Variants in RBM47 observed in about 807,000 individuals in gnomAD.
The protein encoded by RBM47 is RNA binding motif protein 47, also known as RNA-binding protein 47.
In RBM47, 21 loss-of-function variants were observed where a neutral mutation model predicts 47.1. The observed-to-expected ratio is 0.45, with a 90% CI of 0.32 to 0.64. The LOEUF (loss-of-function observed/expected upper bound fraction) is 0.64, where lower values mean the gene tolerates loss of function less well. RBM47 is among the 30% of genes least tolerant of loss of function. The pLI is 0.05. For synonymous variants in RBM47, 375 were observed against 361.7 expected (o/e 1.04, Z -0.42); for missense variants, 708 against 870.9 (o/e 0.81, Z 2.35).
At chr4:40,432,442 C>A (rs967846077) in intron 6 of RBM47, among the ~76,000 whole-genome samples, 1 of 151,990 alleles carries the variant, frequency 6.6e-6, no homozygotes, top group African/African-American at 2.4e-5. Flanking sequence ...TGATTACCAC[C>A]CTTAATACAA....
chr4:40,461,268 A>C (rs1717105212), intron 3 of RBM47, among the ~76,000 whole-genome samples: 1 of 152,230 alleles, frequency 6.6e-6, no homozygotes, highest in Non-Finnish European at 1.5e-5. Context: ...TTCAATTAAA[A>C]AACTAATACA....
intron 1 of RBM47, among the ~76,000 whole-genome samples, chr4:40,592,461 G>A (rs1352415576): frequency 3.6e-5 from 5 of 138,580 alleles, no homozygotes; most frequent in Admixed American, 1.5e-4. Flanking sequence ...TTTCGCTCTT[G>A]TTGCCCAGGC....
chr4:40,579,417 G>T (rs1278519559), intron 1 of RBM47, among the ~76,000 whole-genome samples: 2 of 40,144 alleles, frequency 5.0e-5, no homozygotes, highest in Non-Finnish European at 8.3e-5. Context: ...GCGAGACCCT[G>T]TCTCAGAAAA....
At chr4:40,556,086 A>G (rs981672090) in intron 1 of RBM47, among the ~76,000 whole-genome samples, 17 of 145,852 alleles carry the variant, frequency 1.2e-4, no homozygotes, top group Admixed American at 7.0e-4. Context: ...CGCAGGCTGG[A>G]GTGCGGTGGC....
At chr4:40,500,243 G>A (rs550397515) in intron 2 of RBM47, among the ~76,000 whole-genome samples, 1 of 152,088 alleles carries the variant, frequency 6.6e-6, no homozygotes, top group East Asian at 1.9e-4. Context: ...AACCCTGGAG[G>A]TGGAGGTTGC....
chr4:40,538,101 T>C (rs1728155341), intron 2 of RBM47, among the ~76,000 whole-genome samples: 1 of 152,094 alleles, frequency 6.6e-6, no homozygotes, highest in Non-Finnish European at 1.5e-5. Context: ...GGGTTACTTT[T>C]GCATAAGTTT....
chr4:40,616,528 A>G (rs1736751556), intron 1 of RBM47, among the ~76,000 whole-genome samples: 1 of 152,082 alleles, frequency 6.6e-6, no homozygotes, highest in South Asian at 2.1e-4. Flanking sequence ...CCACCGCTAT[A>G]AGCTCCAAAA....
chr4:40,556,825 G>T (rs1370756723), intron 1 of RBM47, among the ~76,000 whole-genome samples: 1 of 152,104 alleles, frequency 6.6e-6, no homozygotes, highest in African/African-American at 2.4e-5. Flanking sequence ...AGGATGCAAA[G>T]GTTGCAGTGA....
chr4:40,525,914 T>C (rs547514004), intron 2 of RBM47, among the ~76,000 whole-genome samples: 8 of 152,368 alleles, frequency 5.3e-5, no homozygotes, highest in Admixed American at 5.2e-4. Flanking sequence ...GGCCCAGCCC[T>C]GCTCTAGGGC....
chr4:40,469,924 C>T (rs2154235440), intron 2 of RBM47, among the ~76,000 whole-genome samples: 1 of 152,252 alleles, frequency 6.6e-6, no homozygotes, highest in Non-Finnish European at 1.5e-5. Context: ...CGTGAGCCAC[C>T]ATGTGCGGCC....
In RBM47 at chr4:40,438,641, C is replaced by T. The variant is rs1276411416; in HGVS notation, c.253G>A (p.Asp85Asn). ...GCCTCGAACACGGGCACCAGCTCGT[C>T]CTCGTACACGTCGCGCGGGATCTTG... ...VGKIPRDVYE[D>N]ELVPVFEAVG... is the part of the protein sequence containing the mutation. Residue 85 changes from aspartate to asparagine, a missense_variant, in exon 4 of 7, where the codon GAC becomes AAC. By Grantham distance (23) the Asp-to-Asn change is conservative. Transcript: ENST00000295971. 5 of 1,612,914 alleles carry T rather than the reference C, an allele frequency of 3.1e-6. No individual in the cohort carries two copies. Among genetic ancestry groups the T allele is most frequent in the Non-Finnish European group, 4.2e-6 (5 of 1,179,394 alleles).
At chr4:40,583,393 A>T (rs1462663483) in intron 1 of RBM47, among the ~76,000 whole-genome samples, 1 of 91,374 alleles carries the variant, frequency 1.1e-5, no homozygotes, top group Non-Finnish European at 2.0e-5. Context: ...TCTCAGAAAA[A>T]AAAAAAAAAA....
chr4:40,564,402 C>T (rs1185866795), intron 1 of RBM47, among the ~76,000 whole-genome samples: 2 of 152,192 alleles, frequency 1.3e-5, no homozygotes, highest in Non-Finnish European at 1.5e-5. Flanking sequence ...CCTGCACACA[C>T]ACATACCCAG....
At chr4:40,550,514 G>A (rs1171672189) in intron 1 of RBM47, among the ~76,000 whole-genome samples, 1 of 152,150 alleles carries the variant, frequency 6.6e-6, no homozygotes, top group Non-Finnish European at 1.5e-5. Context: ...ATCCTCCTGG[G>A]TTCAAGTGAT....
intron 1 of RBM47, among the ~76,000 whole-genome samples, chr4:40,550,158 G>A (rs186858173): frequency 4.8e-4 from 73 of 152,178 alleles, no homozygotes; most frequent in African/African-American, 1.1e-3. Context: ...CATCTCTCCC[G>A]AATTCTCACA....
chr4:40,618,303 G>A lies in RBM47; in HGVS notation c.-240+11093C>T, dbSNP rs549078713. On this transcript the variant is annotated intron_variant, in intron 1 of 6. Transcript: ENST00000295971. ...AGGCAGCCAGGCATGTGATGTGCCT[G>A]TAGTCCCAGTTACCCAGGAGGCTGA... Among the ~76,000 whole-genome samples the A allele has an allele frequency of 5.3e-5, 8 of 152,130 alleles. No individual in the cohort carries two copies. The South Asian group carries it at 1.5e-3, about 28-fold the overall frequency.
At chr4:40,625,141 C>T (rs780033477) in intron 1 of RBM47, among the ~76,000 whole-genome samples, 5 of 152,120 alleles carry the variant, frequency 3.3e-5, no homozygotes, top group Non-Finnish European at 7.4e-5. Flanking sequence ...AGCCACCGTG[C>T]CCAGCCTAAG....
chr4:40,518,892 C>G (rs139085860), intron 2 of RBM47, among the ~76,000 whole-genome samples: 1,808 of 152,200 alleles, frequency 0.012, 21 homozygotes, highest in African/African-American at 0.029. Context: ...GTTGGACAAG[C>G]CTGGTCTAAA....
In RBM47 at chr4:40,500,599, A is replaced by AATAT. The variant is rs60894213; in HGVS notation, c.-154-33904_-154-33901dup. On this transcript the variant is annotated intron_variant, in intron 2 of 6. Coordinates refer to ENST00000295971, the MANE Select transcript of RBM47 (RefSeq NM_001098634.2). ...GTGATAAAGCAAGACCCTATCTCCA[A>AATAT]ATATATATATATATAAAACCAACAA... 2.6e-3 allele frequency among the ~76,000 whole-genome samples: 392 copies of AATAT among 151,026 alleles called. 1 individual carries two copies. Among genetic ancestry groups the AATAT allele is most frequent in the Middle Eastern group, 6.9e-3 (2 of 290 alleles).
Sources: gnomAD v4.1 joint callset for allele counts (sites outside exome capture counted in the v4.1 genomes callset) on GRCh38, gnomAD v4.1.1 for gene constraint, MANE v1.5 for transcripts, NCBI Gene and HGNC (gene_info 2026-07-23, HGNC 2026-07-21) for gene names.